Variants in ASTN2 observed in about 807,000 individuals in gnomAD.
ASTN2 encodes the protein astrotactin-2.
In ASTN2, 54 loss-of-function variants were observed where a neutral mutation model predicts 139.8. That is an observed-to-expected ratio of 0.39 (90% CI 0.31 to 0.48). The LOEUF (loss-of-function observed/expected upper bound fraction) is 0.48. Among genes scored for constraint, ASTN2 ranks in the 20% least tolerant of loss-of-function variants. The pLI, the probability that ASTN2 is intolerant of heterozygous loss-of-function variation, is 0.95. For missense variants in ASTN2, 1,565 were observed against 1,725.1 expected (o/e 0.91, Z 1.64); for synonymous variants, 756 against 719.5 (o/e 1.05, Z -0.81).
chr9:116,698,355 T>C lies in ASTN2; in HGVS notation c.2806+27416A>G. 1 of 1,614,146 alleles carries C rather than the reference T, an allele frequency of 6.2e-7. No homozygotes were observed. Among genetic ancestry groups the C allele is most frequent in the Non-Finnish European group, 8.5e-7 (1 of 1,180,034 alleles). On this transcript the variant is annotated intron_variant, in intron 16 of 22. Coordinates refer to ENST00000313400, the MANE Select transcript of ASTN2 (RefSeq NM_001365068.1). This position sits in a 1 kb window ranked among gnomAD's most constrained non-coding sequence, Gnocchi z 4.4. ...GGATGAGCTGGCTCGCTCTCGGAAG[T>C]TCTTCACAGGCTCTTTGGCTGAAGT...
intron 10 of ASTN2, among the ~76,000 whole-genome samples, chr9:116,964,402 A>G (rs1835958444): frequency 6.6e-6 from 1 of 152,144 alleles, no homozygotes; most frequent in South Asian, 2.1e-4. Flanking sequence ...TATCTTGGTG[A>G]TCACTGTCCC....
intron 6 of ASTN2, among the ~76,000 whole-genome samples, chr9:117,019,581 A>AT (rs1431962014): frequency 3.3e-5 from 5 of 152,134 alleles, no homozygotes; most frequent in Non-Finnish European, 7.4e-5. Context: ...AGGTAAGGAG[A>AT]TAAAAAAATA....
At chr9:116,804,174 T>A (rs1830970918) in intron 13 of ASTN2, among the ~76,000 whole-genome samples, 1 of 152,114 alleles carries the variant, frequency 6.6e-6, no homozygotes, top group Non-Finnish European at 1.5e-5. Context: ...TGAATTCACA[T>A]CTCCATTCTC....
chr9:117,096,071 G>C lies in ASTN2; in HGVS notation c.1249C>G (p.Gln417Glu). ...DETQLTFYTE[Q>E]YRSRRRSKGL... is the part of the protein sequence containing the mutation. ...TTGCTGCGGCGGCGACTGCGGTACT[G>C]CTCCGTGTAGAATGTCAGCTGAGTT... is the stretch of plus-strand genomic sequence containing the variant. Residue 417 changes from glutamine (Q) to glutamate (E), a missense_variant, in exon 5 of 23, where the codon CAG becomes GAG. By Grantham distance (29) the Gln-to-Glu change is conservative. Transcript: ENST00000313400. The C allele has an allele frequency of 2.5e-6, 4 of 1,614,062 alleles. No individual in the cohort carries two copies. Among genetic ancestry groups the C allele is most frequent in the Non-Finnish European group, 3.4e-6 (4 of 1,179,976 alleles).
chr9:117,306,518 CA>C (rs1835003341), intron 1 of ASTN2, among the ~76,000 whole-genome samples: 1 of 152,182 alleles, frequency 6.6e-6, no homozygotes. Context: ...TTCTGAACCT[CA>C]CTTTTCTCAC....
intron 1 of ASTN2, among the ~76,000 whole-genome samples, chr9:117,345,310 G>C (rs1829181944): frequency 6.6e-6 from 1 of 152,154 alleles, no homozygotes; most frequent in African/African-American, 2.4e-5. Flanking sequence ...AAAATAAAGA[G>C]TTAAAAATCC....
intron 1 of ASTN2, among the ~76,000 whole-genome samples, chr9:117,364,998 CAA>C (rs57296532): frequency 0.16 from 19,742 of 123,428 alleles, 1,678 homozygotes; most frequent in East Asian, 0.25. Flanking sequence ...CACACACACA[CAA>C]AATCAGCCAT....
In ASTN2 at chr9:116,680,642, C is replaced by T. The variant is rs566770325; in HGVS notation, c.2807-28849G>A. ...AATCCTCAATAAAATACTGGCAAAC[C>T]GAATCCAGCAGCACATCAAAAAGCG... On this transcript the variant is annotated intron_variant, in intron 16 of 22. Coordinates refer to ENST00000313400, the MANE Select transcript of ASTN2 (RefSeq NM_001365068.1). Among the ~76,000 whole-genome samples the T allele has an allele frequency of 8.1e-3, 1,238 of 152,170 alleles. 20 individuals carry two copies. Among genetic ancestry groups the T allele is most frequent in the African/African-American group, 0.029 (1,192 of 41,504 alleles).
intron 2 of ASTN2, among the ~76,000 whole-genome samples, chr9:117,220,439 G>A (rs1832476944): frequency 1.3e-5 from 2 of 152,308 alleles, no homozygotes; most frequent in Middle Eastern, 3.4e-3. Flanking sequence ...TGGAATCTCA[G>A]AAGGTGACTT....
chr9:116,939,421 T>C (rs1186229591), intron 10 of ASTN2, among the ~76,000 whole-genome samples: 3 of 152,120 alleles, frequency 2.0e-5, no homozygotes, highest in Non-Finnish European at 4.4e-5. Context: ...TTATTATCAT[T>C]ATTCCAACTC....
chr9:117,180,822 C>A, intron 3 of ASTN2: 2 of 1,545,458 alleles, frequency 1.3e-6, no homozygotes, highest in Non-Finnish European at 1.8e-6. Flanking sequence ...CAACATTGAA[C>A]TTGGTGAAGC....
intron 22 of ASTN2, chr9:116,437,517 C>T (rs1338152969): frequency 4.2e-6 from 2 of 471,340 alleles, no homozygotes; most frequent in Non-Finnish European, 8.8e-6. Context: ...GAGTGGATTG[C>T]CTGGCCTCTG....
chr9:116,472,948 A>G (rs1366591496), intron 20 of ASTN2, among the ~76,000 whole-genome samples: 1 of 151,342 alleles, frequency 6.6e-6, no homozygotes, highest in African/African-American at 2.4e-5. Context: ...AAAAAAAAGA[A>G]TCATGGTTCT....
chr9:117,222,516 A>T (rs536595218), intron 2 of ASTN2, among the ~76,000 whole-genome samples: 1 of 152,308 alleles, frequency 6.6e-6, no homozygotes, highest in African/African-American at 2.4e-5. Context: ...CCAGTGGATC[A>T]CCAGTTCTCA....
At chr9:116,590,185 C>A (rs984443412) in intron 19 of ASTN2, among the ~76,000 whole-genome samples, 5 of 152,206 alleles carry the variant, frequency 3.3e-5, no homozygotes, top group African/African-American at 1.2e-4. Flanking sequence ...CCCTCCGAGG[C>A]ACAGTGTGGC....
chr9:117,240,516 G>A (rs1833173605), intron 2 of ASTN2, among the ~76,000 whole-genome samples: 1 of 152,260 alleles, frequency 6.6e-6, no homozygotes, highest in East Asian at 1.9e-4. Flanking sequence ...GTAAGAAAGG[G>A]GACAGGAGAA....
At chr9:116,863,493 C>T in intron 11 of ASTN2, 90 bp downstream of exon 11, 1 of 1,520,638 alleles carries the variant, frequency 6.6e-7, no homozygotes, top group Admixed American at 1.9e-5. Flanking sequence ...TATGATCCTC[C>T]TTACCAGCGT....
chr9:116,597,591 T>C (rs1802075645), intron 19 of ASTN2, among the ~76,000 whole-genome samples: 1 of 152,024 alleles, frequency 6.6e-6, no homozygotes, highest in African/African-American at 2.4e-5. Flanking sequence ...TGCCTGGCCT[T>C]GATCTATTAA....
chr9:116,835,392 T>C (rs558935278), intron 11 of ASTN2, among the ~76,000 whole-genome samples: 1 of 152,344 alleles, frequency 6.6e-6, no homozygotes, highest in Non-Finnish European at 1.5e-5. Flanking sequence ...CTGTTCTTTG[T>C]AGGGAAAATT....
Sources: gnomAD v4.1 joint callset for allele counts (sites outside exome capture counted in the v4.1 genomes callset) on GRCh38, gnomAD v4.1.1 for gene constraint, Gnocchi (gnomAD v3.1) non-coding constraint, MANE v1.5 for transcripts, NCBI Gene and HGNC (gene_info 2026-07-23, HGNC 2026-07-21) for gene names.